Variants in NEBL observed in about 807,000 individuals in gnomAD.
NEBL encodes LIM and SH3 protein 2.
A neutral mutation model predicts 140.2 loss-of-function variants in NEBL; 122 were observed. The ratio of observed to expected loss-of-function variants is 0.87; its 90% CI spans 0.75 to 1.01. The LOEUF (loss-of-function observed/expected upper bound fraction) is 1.01, where lower values mean the gene tolerates loss of function less well. NEBL is among the 50% of genes least tolerant of loss of function. The pLI is 0.00. For synonymous variants in NEBL, 436 were observed against 398.9 expected (o/e 1.09, Z -1.11); for missense variants, 1,365 against 1,231.3 (o/e 1.11, Z -1.62).
chr10:20,987,782 G>T (rs1019242845), intron 3 of NEBL, among the ~76,000 whole-genome samples: 4 of 152,136 alleles, frequency 2.6e-5, no homozygotes, highest in Admixed American at 2.0e-4. Flanking sequence ...AGATTTTCCA[G>T]GGCTCCTTCT....
intron 25 of NEBL, 113 bp downstream of exon 25, chr10:20,809,688 TGCCAA>T: frequency 3.5e-6 from 3 of 853,360 alleles, no homozygotes; most frequent in Admixed American, 2.4e-5. Context: ...TTTTTTGGTT[TGCCAA>T]ATTCTCAGCT....
At chr10:21,287,416 G>C (rs1051071688) in intron 1 of NEBL, among the ~76,000 whole-genome samples, 10 of 152,110 alleles carry the variant, frequency 6.6e-5, no homozygotes, top group African/African-American at 2.4e-4. Flanking sequence ...TGTTCCTATA[G>C]TCCTAGCTAC....
chr10:20,886,034 AT>A lies in NEBL; in HGVS notation c.369+2062del, dbSNP rs529105222. ...GCTCAGCATTTTTCAAGAGTAATGT[AT>A]TTTCAGACTACTTAAAAATAGCTAA... On this transcript the variant is annotated intron_variant, in intron 4 of 27. Transcript: ENST00000377122. Among the ~76,000 whole-genome samples, 725 of 152,294 alleles carry A rather than the reference AT, an allele frequency of 4.8e-3. 5 individuals are homozygous for A. Among genetic ancestry groups the A allele is most frequent in the Non-Finnish European group, 4.6e-3 (312 of 68,022 alleles).
At chr10:21,030,040 A>G (rs1833713161) in intron 2 of NEBL, 2 of 480,900 alleles carry the variant, frequency 4.2e-6, no homozygotes, top group Admixed American at 2.8e-5. Flanking sequence ...CTCCTAAGGG[A>G]GATGATTCTT....
In NEBL at chr10:21,072,565, C is replaced by T. The variant is rs1564501172; in HGVS notation, c.165-52364G>A. Among the ~76,000 whole-genome samples the T allele has an allele frequency of 3.3e-5, 5 of 152,228 alleles. No homozygotes were observed. The East Asian group carries it at 9.6e-4, about 29-fold the overall frequency. ...TACAGGCCACGGGGCTGTCGGCTGC[C>T]ACACAGGAAAAACAAAGGACAGAGT... On this transcript the variant is annotated intron_variant, in intron 2 of 6. Coordinates refer to the NEBL transcript ENST00000417816.
At chr10:21,028,797 G>C (rs1490519921) in intron 2 of NEBL, among the ~76,000 whole-genome samples, 2 of 151,362 alleles carry the variant, frequency 1.3e-5, no homozygotes, top group Non-Finnish European at 2.9e-5. Flanking sequence ...TGAAGACAGA[G>C]AGAAAAAGCA....
intron 1 of NEBL, among the ~76,000 whole-genome samples, chr10:21,272,118 A>ATTTTTTTTTTTTTT (rs10678454): frequency 2.5e-5 from 2 of 79,098 alleles, no homozygotes; most frequent in Non-Finnish European, 4.6e-5. Context: ...CACTTGGTTA[A>ATTTTTTTTTTTTTT]TTTTTTTTTT....
chr10:21,121,303 A>G (rs1589255289), intron 2 of NEBL, among the ~76,000 whole-genome samples: 1 of 152,284 alleles, frequency 6.6e-6, no homozygotes, highest in East Asian at 1.9e-4. Context: ...GGGATTGATC[A>G]CTTTAATGTC....
chr10:20,919,359 A>G (rs1164311004), intron 4 of NEBL, among the ~76,000 whole-genome samples: 1 of 152,228 alleles, frequency 6.6e-6, no homozygotes, highest in Non-Finnish European at 1.5e-5. Context: ...CATTGGAAGA[A>G]TAAGGGTAGC....
intron 2 of NEBL, among the ~76,000 whole-genome samples, chr10:21,054,830 C>G (rs1834938265): frequency 6.6e-6 from 1 of 152,194 alleles, no homozygotes. Flanking sequence ...ATCATAGTAT[C>G]CAAAAATGCC....
intron 3 of NEBL, among the ~76,000 whole-genome samples, chr10:21,011,879 C>T (rs1838354613): frequency 6.6e-6 from 1 of 152,224 alleles, no homozygotes; most frequent in African/African-American, 2.4e-5. Context: ...CCAGCAAGCA[C>T]CTCAGCATCC....
intron 26 of NEBL, among the ~76,000 whole-genome samples, chr10:20,800,819 AAAC>A (rs1275374560): frequency 1.3e-5 from 2 of 152,096 alleles, no homozygotes; most frequent in Non-Finnish European, 2.9e-5. Context: ...GTAAAAATCT[AAAC>A]AACGCAATGC....
intron 4 of NEBL, among the ~76,000 whole-genome samples, chr10:20,921,936 T>C (rs1833607801): frequency 6.6e-6 from 1 of 152,236 alleles, no homozygotes; most frequent in African/African-American, 2.4e-5. Flanking sequence ...TGAACATATA[T>C]GTGTCTGTGT....
At chr10:20,837,304 G>T (rs1840994496) in intron 13 of NEBL, among the ~76,000 whole-genome samples, 1 of 152,166 alleles carries the variant, frequency 6.6e-6, no homozygotes, top group Admixed American at 6.5e-5. Context: ...CAACCCTATT[G>T]CTGATATAGA....
chr10:20,926,523 G>A (rs1833921876), intron 4 of NEBL, among the ~76,000 whole-genome samples: 2 of 152,122 alleles, frequency 1.3e-5, no homozygotes, highest in African/African-American at 2.4e-5. Context: ...TTTGTCCCAA[G>A]GTTATCAAGT....
At chr10:20,841,163 ATTAATTG>A (rs1841383276) in intron 12 of NEBL, among the ~76,000 whole-genome samples, 1 of 152,092 alleles carries the variant, frequency 6.6e-6, no homozygotes, top group Non-Finnish European at 1.5e-5. Flanking sequence ...CGTGTTCCTT[ATTAATTG>A]TTAAAACTAT....
chr10:20,845,559 T>C (rs192114548), intron 11 of NEBL, 191 bp from the exon 12 acceptor site: 98 of 542,214 alleles, frequency 1.8e-4, no homozygotes, highest in Middle Eastern at 1.5e-3. Flanking sequence ...CAAAGGAGAA[T>C]TATTAAGTGG....
intron 3 of NEBL, among the ~76,000 whole-genome samples, chr10:21,191,675 G>C (rs925362604): frequency 6.6e-6 from 1 of 152,148 alleles, no homozygotes; most frequent in African/African-American, 2.4e-5. Flanking sequence ...TTGACCACAC[G>C]CCCAAAGGCT....
chr10:21,164,766 AT>A (rs1264370576), intron 2 of NEBL, among the ~76,000 whole-genome samples: 3 of 152,216 alleles, frequency 2.0e-5, no homozygotes, highest in African/African-American at 7.2e-5. Context: ...ATCATTTTGT[AT>A]ATACACTGGA....
Sources: gnomAD v4.1 joint callset for allele counts (sites outside exome capture counted in the v4.1 genomes callset) on GRCh38, gnomAD v4.1.1 for gene constraint, MANE v1.5 for transcripts, NCBI Gene and HGNC (gene_info 2026-07-23, HGNC 2026-07-21) for gene names.